RBMS1: variants seen among roughly 807,000 people sequenced by gnomAD.
RBMS1 encodes RNA-binding motif, single-stranded-interacting protein 1.
Under a neutral mutation model 62.3 loss-of-function variants are expected in RBMS1, and 17 were observed. The ratio of observed to expected loss-of-function variants is 0.27; its 90% CI spans 0.19 to 0.41. The LOEUF (loss-of-function observed/expected upper bound fraction) is 0.41, where lower values mean the gene tolerates loss of function less well. RBMS1 is among the 10% of genes least tolerant of loss of function. RBMS1 has a pLI of 1.00. For missense variants in RBMS1, 334 were observed against 504.5 expected (o/e 0.66, Z 3.24); for synonymous variants, 172 against 170.0 (o/e 1.01, Z -0.09).
intron 10 of RBMS1, 55 bp downstream of exon 10, chr2:160,281,259 G>C (rs1338800832): frequency 7.0e-6 from 10 of 1,424,822 alleles, no homozygotes; most frequent in Non-Finnish European, 9.7e-6. Context: ...AACCTAGAGA[G>C]AATATACACA....
intron 2 of RBMS1, among the ~76,000 whole-genome samples, chr2:160,355,092 A>G (rs1294559251): frequency 6.6e-6 from 1 of 152,166 alleles, no homozygotes; most frequent in Non-Finnish European, 1.5e-5. Context: ...ATAAAAAACA[A>G]CTTTTCAAAT....
chr2:160,302,339 C>A (rs1689252100), intron 5 of RBMS1, among the ~76,000 whole-genome samples: 1 of 151,360 alleles, frequency 6.6e-6, no homozygotes, highest in Admixed American at 6.6e-5. Context: ...GGACTATAGG[C>A]ATGTGCCACC....
At chr2:160,333,626 C>T (rs972099665) in intron 2 of RBMS1, among the ~76,000 whole-genome samples, 3 of 152,176 alleles carry the variant, frequency 2.0e-5, no homozygotes, top group African/African-American at 7.2e-5. Flanking sequence ...AAGCTCATTT[C>T]CTAGACCTAA....
intron 4 of RBMS1, among the ~76,000 whole-genome samples, chr2:160,309,712 GC>G (rs1357029298): frequency 6.6e-6 from 1 of 152,154 alleles, no homozygotes; most frequent in Non-Finnish European, 1.5e-5. Context: ...TCAGCATGCT[GC>G]CTGGCTAGAA....
chr2:160,401,296 T>C (rs535672935), intron 1 of RBMS1, among the ~76,000 whole-genome samples: 125 of 152,348 alleles, frequency 8.2e-4, no homozygotes, highest in Non-Finnish European at 1.4e-3. Flanking sequence ...TAGATTTCTA[T>C]GTATTAGGGT....
chr2:160,357,106 G>A (rs1472512959), intron 2 of RBMS1, among the ~76,000 whole-genome samples: 4 of 151,962 alleles, frequency 2.6e-5, no homozygotes, highest in East Asian at 1.9e-4. Context: ...TTTCACCTTC[G>A]TATAATGGTT....
chr2:160,364,130 C>T (rs1188388793), intron 2 of RBMS1, among the ~76,000 whole-genome samples: 1 of 152,138 alleles, frequency 6.6e-6, no homozygotes, highest in African/African-American at 2.4e-5. Context: ...CACGGTCAAG[C>T]AGAGTGTTTG....
chr2:160,285,144 C>T, intron 7 of RBMS1, 100 bp from the exon 8 acceptor site: 1 of 1,171,568 alleles, frequency 8.5e-7, no homozygotes, highest in Non-Finnish European at 1.3e-6. Flanking sequence ...GTAGTCCCAG[C>T]TGCTGGGGAG....
chr2:160,335,907 G>A (rs1028032593), intron 2 of RBMS1, among the ~76,000 whole-genome samples: 3 of 152,098 alleles, frequency 2.0e-5, no homozygotes, highest in Non-Finnish European at 4.4e-5. Context: ...GTATAATTTG[G>A]AATGGTCACT....
intron 2 of RBMS1, among the ~76,000 whole-genome samples, chr2:160,339,867 T>C (rs1451305242): frequency 1.3e-5 from 2 of 152,192 alleles, no homozygotes; most frequent in Non-Finnish European, 1.5e-5. Context: ...GCTCATCAAA[T>C]GTTCACAATA....
chr2:160,375,180 TTAG>T (rs1013044669), intron 1 of RBMS1, among the ~76,000 whole-genome samples: 34 of 152,178 alleles, frequency 2.2e-4, no homozygotes, highest in Non-Finnish European at 3.2e-4. Flanking sequence ...GTCAGGACCT[TTAG>T]TACTCTTGTC....
At chr2:160,292,764 C>G (rs1329519930) in intron 6 of RBMS1, among the ~76,000 whole-genome samples, 1 of 152,076 alleles carries the variant, frequency 6.6e-6, no homozygotes, top group African/African-American at 2.4e-5. Context: ...TGGGTGTGAT[C>G]GATGGTGATA....
At chr2:160,311,228 CTATCTA>C (rs1365986502) in intron 4 of RBMS1, among the ~76,000 whole-genome samples, 6 of 95,920 alleles carry the variant, frequency 6.3e-5, no homozygotes, top group Non-Finnish European at 1.0e-4. Flanking sequence ...ATCTATCTAT[CTATCTA>C]TATATATATA....
intron 6 of RBMS1, among the ~76,000 whole-genome samples, chr2:160,297,660 C>T (rs1689008465): frequency 6.6e-6 from 1 of 152,190 alleles, no homozygotes; most frequent in Non-Finnish European, 1.5e-5. Context: ...GAGGTCCTTG[C>T]AGGGAGAAGG....
chr2:160,346,720 A>T (rs1380478259), intron 2 of RBMS1, among the ~76,000 whole-genome samples: 7 of 152,146 alleles, frequency 4.6e-5, no homozygotes, highest in Non-Finnish European at 8.8e-5. Flanking sequence ...AAAACTTAAG[A>T]CTCTGAAGGC....
chr2:160,275,963 A>T (rs1574195400), intron 12 of RBMS1, among the ~76,000 whole-genome samples: 1 of 152,162 alleles, frequency 6.6e-6, no homozygotes, highest in East Asian at 1.9e-4. Context: ...TATCAAACAA[A>T]TCTCTTACCC....
chr2:160,383,855 A>G (rs1694423439), intron 1 of RBMS1, among the ~76,000 whole-genome samples: 1 of 152,334 alleles, frequency 6.6e-6, no homozygotes. Context: ...TCTCATATCC[A>G]AAGTAGGAAT....
intron 6 of RBMS1, among the ~76,000 whole-genome samples, chr2:160,298,450 G>A (rs1018395643): frequency 6.6e-6 from 1 of 152,184 alleles, no homozygotes; most frequent in Non-Finnish European, 1.5e-5. Context: ...AAAACCTTGA[G>A]AGTAGATGAA....
chr2:160,289,267 C>T (rs1688559405), intron 6 of RBMS1, among the ~76,000 whole-genome samples: 2 of 152,192 alleles, frequency 1.3e-5, no homozygotes, highest in Admixed American at 6.5e-5. Flanking sequence ...ATTATATTTA[C>T]TACATGATTC....
Sources: allele counts gnomAD v4.1 joint callset (sites outside exome capture counted in the v4.1 genomes callset), GRCh38; gene constraint gnomAD v4.1.1; transcripts MANE v1.5; gene names NCBI Gene and HGNC (gene_info 2026-07-23, HGNC 2026-07-21).